The following RUFY3 variants were observed in gnomAD, a reference collection of about 807,000 sequenced individuals.
RUFY3 encodes the protein RUN and FYVE domain containing 3.
A neutral mutation model predicts 84.0 loss-of-function variants in RUFY3; 34 were observed. The ratio of observed to expected loss-of-function variants is 0.40; its 90% CI spans 0.31 to 0.54. RUFY3 has a LOEUF of 0.54. Ranked by LOEUF, RUFY3 falls within the 20% of genes least tolerant of loss-of-function variation. The probability of loss-of-function intolerance (pLI) is 0.39; values close to 1 mark genes in which losing one functional copy is unlikely to be tolerated. For synonymous variants in RUFY3, 242 were observed against 252.9 expected, an observed-to-expected ratio of 0.96 and a Z score of 0.41; for missense variants, 507 against 736.8, an observed-to-expected ratio of 0.69 and a Z score of 3.61.
rs1166133516 is a variant in RUFY3, at chr4:70,723,230, A to G, written c.178+479A>G. On this transcript the variant is annotated intron_variant, in intron 1 of 17. Coordinates refer to ENST00000381006, the MANE Select transcript of RUFY3 (RefSeq NM_001037442.4). The stretch of plus-strand genomic sequence containing the variant: ...ATTATATGAGGATACAATTTTAAGC[A>G]AGTTATGACATCTAGGAAATGTTTG... Among the ~76,000 whole-genome samples, 4 of 152,170 alleles carry G rather than the reference A, an allele frequency of 2.6e-5. No individual in the cohort carries two copies. In the East Asian group the frequency reaches 7.7e-4, roughly 29 times the overall value.
At chr4:70,745,152 G>T (rs1317564207) in intron 1 of RUFY3, among the ~76,000 whole-genome samples, 2 of 151,364 alleles carry the variant, frequency 1.3e-5, no homozygotes, top group Admixed American at 6.6e-5. Flanking sequence ...CACCATGTTT[G>T]CCAGGATGGT....
chr4:70,741,142 G>T (rs573277451), intron 1 of RUFY3, among the ~76,000 whole-genome samples: 1 of 151,104 alleles, frequency 6.6e-6, no homozygotes, highest in South Asian at 2.1e-4. Context: ...GGGGGAGGGG[G>T]AGTTGGAAAA....
chr4:70,705,071 G>A, exon 1 of RUFY3: 1 of 1,293,886 alleles, frequency 7.7e-7, no homozygotes. Context: ...GCGAGGCGGG[G>A]CCGCCGCCGG....
At chr4:70,778,880 C>T (rs1728433222) in intron 8 of RUFY3, among the ~76,000 whole-genome samples, 1 of 151,972 alleles carries the variant, frequency 6.6e-6, no homozygotes, top group Admixed American at 6.6e-5. Context: ...TCGCCTGGCC[C>T]ATAACTCCTT....
At chr4:70,804,214 C>G in intron 16 of RUFY3, 134 bp from the exon 17 acceptor site, 2 of 636,580 alleles carry the variant, frequency 3.1e-6, no homozygotes, top group Middle Eastern at 2.9e-4. Flanking sequence ...GTAGGACTAC[C>G]TATTTATAAT....
At chr4:70,733,733 A>AT (rs1257738511) in intron 1 of RUFY3, among the ~76,000 whole-genome samples, 1 of 152,148 alleles carries the variant, frequency 6.6e-6, no homozygotes, top group African/African-American at 2.4e-5. Flanking sequence ...TATAGTCACA[A>AT]TTTTTTTAAG....
At chr4:70,705,088 C>G (rs950106463) in exon 1 of RUFY3, 16 of 1,339,680 alleles carry the variant, frequency 1.2e-5, no homozygotes, top group Non-Finnish European at 1.1e-5. Flanking sequence ...CCGGCCTCCC[C>G]CGCCGGGCAG....
intron 1 of RUFY3, among the ~76,000 whole-genome samples, chr4:70,752,060 C>T (rs1049989050): frequency 1.6e-4 from 24 of 152,158 alleles, no homozygotes; most frequent in Admixed American, 1.3e-3. Flanking sequence ...GGATTACAGA[C>T]GTGAGATACC....
At chr4:70,751,832 A>T (rs1723180342) in intron 1 of RUFY3, among the ~76,000 whole-genome samples, 1 of 152,190 alleles carries the variant, frequency 6.6e-6, no homozygotes, top group Admixed American at 6.5e-5. Context: ...TTTCCTTCTA[A>T]GAGTTTTATA....
intron 9 of RUFY3, among the ~76,000 whole-genome samples, chr4:70,784,086 A>C (rs1367901320): frequency 6.6e-6 from 1 of 152,212 alleles, no homozygotes; most frequent in Non-Finnish European, 1.5e-5. Flanking sequence ...GACTGCTCAG[A>C]ATAATTTTTT....
At chr4:70,735,024 T>C (rs1489334494) in intron 1 of RUFY3, among the ~76,000 whole-genome samples, 2 of 152,166 alleles carry the variant, frequency 1.3e-5, no homozygotes, top group Admixed American at 6.5e-5. Context: ...GAAATATGAA[T>C]CATTTTCCAA....
intron 1 of RUFY3, among the ~76,000 whole-genome samples, chr4:70,711,877 TCA>T (rs1741036339): frequency 6.6e-6 from 1 of 152,230 alleles, no homozygotes; most frequent in South Asian, 2.1e-4. Flanking sequence ...CCCTGAACTC[TCA>T]CAGTTTGTCT....
chr4:70,788,217 G>A (rs141357956), intron 10 of RUFY3, among the ~76,000 whole-genome samples: 1,854 of 151,852 alleles, frequency 0.012, 31 homozygotes, highest in South Asian at 0.055. Context: ...CCCGGGAGGT[G>A]GAGGTTGCAG....
intron 1 of RUFY3, among the ~76,000 whole-genome samples, chr4:70,754,622 A>T (rs893127775): frequency 6.6e-6 from 1 of 151,280 alleles, no homozygotes; most frequent in African/African-American, 2.4e-5. Flanking sequence ...GTGTTTTATT[A>T]CAAGGTCTTT....
chr4:70,759,438 G>T (rs1454270533), intron 1 of RUFY3, among the ~76,000 whole-genome samples: 1 of 151,368 alleles, frequency 6.6e-6, no homozygotes, highest in Non-Finnish European at 1.5e-5. Flanking sequence ...TGACACTTAG[G>T]TTGATTTCAT....
At chr4:70,712,905 A>C (rs1209101026) in intron 1 of RUFY3, among the ~76,000 whole-genome samples, 1 of 151,962 alleles carries the variant, frequency 6.6e-6, no homozygotes, top group Non-Finnish European at 1.5e-5. Context: ...TTTGAAACAC[A>C]CTCCCTACTT....
In RUFY3 at chr4:70,722,455, G is replaced by T; in HGVS notation, c.-119G>T. The T allele has an allele frequency of 2.9e-6, 4 of 1,368,492 alleles. No individual in the cohort carries two copies. The highest frequency in any genetic ancestry group is 2.5e-5 in the East Asian group (1 of 39,666). 84.8% of individuals were successfully genotyped at this position (1,368,492 alleles called of 1,614,324 possible). On this transcript the variant is annotated 5_prime_UTR_variant, in exon 1 of 18. Transcript: ENST00000381006. ...AACCTCCCCCACCCTTTTCCTGAAA[G>T]CTTTGTTTCAGAGCTTTGTATTGGG...
intron 1 of RUFY3, among the ~76,000 whole-genome samples, chr4:70,725,479 C>T (rs767736039): frequency 1.8e-4 from 27 of 152,100 alleles, no homozygotes; most frequent in Non-Finnish European, 2.9e-4. Flanking sequence ...TACAGGCATG[C>T]GCCACCACAC....
chr4:70,782,899 G>T (rs980095538), intron 8 of RUFY3, among the ~76,000 whole-genome samples, 192 bp from the exon 9 acceptor site: 1 of 152,138 alleles, frequency 6.6e-6, no homozygotes, highest in Non-Finnish European at 1.5e-5. Context: ...GCAATAGAGT[G>T]AGGCCCTGTC....
Sources: gnomAD v4.1 joint callset for allele counts (sites outside exome capture counted in the v4.1 genomes callset) on GRCh38, gnomAD v4.1.1 for gene constraint, MANE v1.5 for transcripts, NCBI Gene and HGNC (gene_info 2026-07-23, HGNC 2026-07-21) for gene names.